The following ANGPT1 variants were observed in gnomAD, a reference collection of about 807,000 sequenced individuals.
ANGPT1 encodes the protein angiopoietin-1.
ANGPT1 carries 17 observed loss-of-function variants against 62.2 expected under a neutral mutation model. The ratio of observed to expected loss-of-function variants is 0.27; its 90% CI spans 0.19 to 0.41. The LOEUF is 0.41. ANGPT1 is among the 10% of genes least tolerant of loss of function. ANGPT1 has a pLI of 1.00. For synonymous variants in ANGPT1, 199 were observed against 198.9 expected (o/e 1.00, Z 0.00); for missense variants, 478 against 594.9 (o/e 0.80, Z 2.04).
chr8:107,461,002 G>T (rs1270291254), intron 1 of ANGPT1, among the ~76,000 whole-genome samples: 4 of 152,078 alleles, frequency 2.6e-5, no homozygotes, highest in African/African-American at 7.2e-5. Flanking sequence ...GAACCTCATA[G>T]CCACATTGCA....
In ANGPT1 at chr8:107,497,628, T is replaced by C. The variant is rs187412197; in HGVS notation, c.-70A>G. ...CCTTTCTTCTGACCTCTAAAACTAG[T>C]TCTTTATTTCAGGTAAAACTGCTTG... On this transcript the variant is annotated 5_prime_UTR_variant, in exon 1 of 9. Coordinates refer to ENST00000517746, the MANE Select transcript of ANGPT1 (RefSeq NM_001146.5). 37 of 1,463,316 alleles carry C rather than the reference T, an allele frequency of 2.5e-5. 1 individual carries two copies. The East Asian group carries it at 3.7e-4, about 14-fold the overall frequency. The allele number at this position is 1,463,316 out of a possible 1,614,324, so 90.6% of individuals were successfully genotyped here. A position where few individuals can be genotyped will look rare whatever the true frequency, so the allele number is the denominator to read the frequency against.
intron 1 of ANGPT1, among the ~76,000 whole-genome samples, chr8:107,357,633 T>C (rs1240735356): frequency 6.6e-6 from 1 of 152,182 alleles, no homozygotes; most frequent in East Asian, 1.9e-4. Context: ...ATGGCAGCGA[T>C]GCAAACACAT....
chr8:107,447,043 C>T lies in ANGPT1; in HGVS notation c.297+50219G>A, dbSNP rs116200277. ...TTTTCTGTTCCTCTCTCATAGCCAA[C>T]GCCTCAAGAAATCCTGTTGACTCTA... On this transcript the variant is annotated intron_variant, in intron 1 of 8. Coordinates refer to ENST00000517746, the MANE Select transcript of ANGPT1 (RefSeq NM_001146.5). Among the ~76,000 whole-genome samples the T allele has an allele frequency of 7.6e-3, 1,157 of 152,226 alleles. 17 individuals carry two copies. Among genetic ancestry groups the T allele is most frequent in the African/African-American group, 0.027 (1,111 of 41,546 alleles).
intron 1 of ANGPT1, among the ~76,000 whole-genome samples, chr8:107,381,416 C>T (rs1441401893): frequency 6.6e-6 from 1 of 152,164 alleles, no homozygotes; most frequent in Non-Finnish European, 1.5e-5. Context: ...GTCCCAAGAA[C>T]CACTTCATGC....
chr8:107,370,739 A>G (rs1816391483), intron 1 of ANGPT1, among the ~76,000 whole-genome samples: 1 of 150,322 alleles, frequency 6.7e-6, no homozygotes. Flanking sequence ...GAAGAAAGGA[A>G]GGAAGAAAAG....
At chr8:107,381,549 G>A (rs888888525) in intron 1 of ANGPT1, among the ~76,000 whole-genome samples, 3 of 152,136 alleles carry the variant, frequency 2.0e-5, no homozygotes, top group African/African-American at 7.2e-5. Context: ...CAGCCCTGAA[G>A]AGGAATTATA....
chr8:107,261,562 G>A (rs12549116), intron 8 of ANGPT1, among the ~76,000 whole-genome samples: 36,221 of 151,608 alleles, frequency 0.24, 4,614 homozygotes, highest in East Asian at 0.31. Context: ...AAAATTAGCC[G>A]GGCGTGGTGG....
chr8:107,442,162 G>A (rs573217020), intron 1 of ANGPT1, among the ~76,000 whole-genome samples: 2 of 152,254 alleles, frequency 1.3e-5, no homozygotes, highest in Non-Finnish European at 2.9e-5. Context: ...AGAATTGAAC[G>A]TGTATTTAAA....
chr8:107,298,195 T>G (rs2130199941), intron 5 of ANGPT1, among the ~76,000 whole-genome samples: 1 of 152,062 alleles, frequency 6.6e-6, no homozygotes, highest in Non-Finnish European at 1.5e-5. Flanking sequence ...TTCACATAGT[T>G]TTTATACTTT....
chr8:107,457,556 A>C (rs1009231883), intron 1 of ANGPT1, among the ~76,000 whole-genome samples: 20 of 152,126 alleles, frequency 1.3e-4, no homozygotes, highest in African/African-American at 4.8e-4. Flanking sequence ...AGAAATGTAC[A>C]ATAATAGATA....
At chr8:107,292,938 G>A (rs1236962698) in intron 6 of ANGPT1, among the ~76,000 whole-genome samples, 2 of 152,042 alleles carry the variant, frequency 1.3e-5, no homozygotes, top group Non-Finnish European at 2.9e-5. Flanking sequence ...TTATCTAGAG[G>A]TTTCAGCTGC....
intron 1 of ANGPT1, among the ~76,000 whole-genome samples, chr8:107,445,342 A>G (rs1276550796): frequency 6.6e-6 from 1 of 152,194 alleles, no homozygotes; most frequent in Non-Finnish European, 1.5e-5. Flanking sequence ...AGAAAATACA[A>G]AAGTGAGAAG....
chr8:107,382,010 A>G (rs574490468), intron 1 of ANGPT1, among the ~76,000 whole-genome samples: 2 of 152,242 alleles, frequency 1.3e-5, no homozygotes, highest in African/African-American at 4.8e-5. Context: ...GGCTTGATTT[A>G]TATCAGGAAT....
At chr8:107,378,528 T>C (rs1816572713) in intron 1 of ANGPT1, among the ~76,000 whole-genome samples, 1 of 152,182 alleles carries the variant, frequency 6.6e-6, no homozygotes, top group Admixed American at 6.5e-5. Flanking sequence ...AACTATACTC[T>C]ATGTACACTG....
intron 1 of ANGPT1, among the ~76,000 whole-genome samples, chr8:107,442,114 C>T (rs749988485): frequency 5.9e-5 from 9 of 152,022 alleles, no homozygotes; most frequent in Non-Finnish European, 1.2e-4. Context: ...CCCATCACCT[C>T]GTAGATCCAG....
At chr8:107,350,326 A>T (rs572433034) in intron 1 of ANGPT1, among the ~76,000 whole-genome samples, 1 of 152,114 alleles carries the variant, frequency 6.6e-6, no homozygotes, top group African/African-American at 2.4e-5. Flanking sequence ...CCAATACAAG[A>T]TCTGCTTGAT....
chr8:107,386,604 C>T (rs13250584), intron 1 of ANGPT1, among the ~76,000 whole-genome samples: 14,931 of 152,038 alleles, frequency 0.098, 1,257 homozygotes, highest in East Asian at 0.48. Flanking sequence ...TGATTAAGAA[C>T]GATGACTCTG....
chr8:107,383,455 T>C (rs1309489433), intron 1 of ANGPT1, among the ~76,000 whole-genome samples: 1 of 152,182 alleles, frequency 6.6e-6, no homozygotes, highest in East Asian at 1.9e-4. Context: ...GGACTTGTTC[T>C]TCTTGCACCG....
At chr8:107,455,918 G>A (rs1811906970) in intron 1 of ANGPT1, among the ~76,000 whole-genome samples, 1 of 151,926 alleles carries the variant, frequency 6.6e-6, no homozygotes, top group African/African-American at 2.4e-5. Flanking sequence ...CACAACTTGG[G>A]GATTGGAATG....
Sources: gnomAD v4.1 joint callset for allele counts (sites outside exome capture counted in the v4.1 genomes callset) on GRCh38, gnomAD v4.1.1 for gene constraint, MANE v1.5 for transcripts, NCBI Gene and HGNC (gene_info 2026-07-23, HGNC 2026-07-21) for gene names.